The following XYLB variants were observed in gnomAD, a reference collection of about 807,000 sequenced individuals.
XYLB encodes the protein xylulose kinase.
XYLB carries 62 observed loss-of-function variants against 78.7 expected under a neutral mutation model. That is an observed-to-expected ratio of 0.79 (90% confidence interval 0.64 to 0.97). The LOEUF is 0.97. Among genes scored for constraint, XYLB ranks in the 50% least tolerant of loss-of-function variants. The pLI, the probability that XYLB is intolerant of heterozygous loss-of-function variation, is 0.00. For synonymous variants in XYLB, 245 were observed against 247.4 expected (o/e 0.99, Z 0.09); for missense variants, 687 against 676.8 (o/e 1.02, Z -0.17).
chr3:38,369,465 C>T (rs1485774891), intron 8 of XYLB, among the ~76,000 whole-genome samples: 1 of 152,220 alleles, frequency 6.6e-6, no homozygotes, highest in African/African-American at 2.4e-5. Context: ...CCTCATTTCA[C>T]CTGGGCAGGT....
At chr3:38,415,395 G>T (rs552582017), downstream of XYLB, among the ~76,000 whole-genome samples, 10 of 152,296 alleles carry the variant, frequency 6.6e-5, no homozygotes, top group South Asian at 2.1e-3. Context: ...AAAAGGACTG[G>T]ACATGACCAT....
chr3:38,378,575 A>G (rs1706985431), intron 14 of XYLB, among the ~76,000 whole-genome samples: 1 of 152,106 alleles, frequency 6.6e-6, no homozygotes, highest in African/African-American at 2.4e-5. Context: ...TGAGACCTGA[A>G]AGTACTCAGG....
intron 9 of XYLB, among the ~76,000 whole-genome samples, chr3:38,371,929 C>T (rs984433572): frequency 2.0e-5 from 3 of 152,158 alleles, no homozygotes; most frequent in African/African-American, 4.8e-5. Context: ...ACTGGTAATC[C>T]ACACACGGCT....
At chr3:38,388,169 G>GTTTTTTTTTTTTTTT (rs71085320) in intron 15 of XYLB, among the ~76,000 whole-genome samples, 1 of 109,322 alleles carries the variant, frequency 9.1e-6, no homozygotes, top group African/African-American at 3.2e-5. Flanking sequence ...GTTTTTTTTT[G>GTTTTTTTTTTTTTTT]TTTTTTTTTT....
At chr3:38,447,470 ATTTTTT>A in the XYLB span, among the ~76,000 whole-genome samples, 8 of 124,944 alleles carry the variant, frequency 6.4e-5, no homozygotes, top group East Asian at 1.4e-3. Context: ...CATCTGGCTA[ATTTTTT>A]TTTTTTTTTT....
At chr3:38,428,740 A>G in the XYLB span, among the ~76,000 whole-genome samples, 1 of 152,234 alleles carries the variant, frequency 6.6e-6, no homozygotes, top group Non-Finnish European at 1.5e-5. Flanking sequence ...TTTAGAGTCC[A>G]TTTACATAAT....
At chr3:38,404,576 G>A (rs184569043) in intron 18 of XYLB, among the ~76,000 whole-genome samples, 12 of 152,274 alleles carry the variant, frequency 7.9e-5, no homozygotes, top group Admixed American at 6.5e-4. Flanking sequence ...CAGCACTTTC[G>A]GAGGCCGAGG....
At chr3:38,353,420 C>G (rs1251781014) in intron 2 of XYLB, among the ~76,000 whole-genome samples, 1 of 152,112 alleles carries the variant, frequency 6.6e-6, no homozygotes, top group Non-Finnish European at 1.5e-5. Context: ...ATCCTCCCTC[C>G]TTAGCCTCCC....
chr3:38,362,802 C>T, intron 3 of XYLB, 135 bp from the exon 4 acceptor site: 1 of 600,730 alleles, frequency 1.7e-6, no homozygotes, highest in East Asian at 3.1e-5. Flanking sequence ...CTTACAAATC[C>T]CAAGTCATGA....
At chr3:38,366,912 G>T (rs1706295674) in intron 7 of XYLB, 39 bp downstream of exon 7, 3 of 1,397,764 alleles carry the variant, frequency 2.1e-6, no homozygotes, top group South Asian at 2.3e-5. Context: ...AGTCACAGTT[G>T]AATTCTTTTC....
At chr3:38,449,690 A>G in the XYLB span, among the ~76,000 whole-genome samples, 1 of 152,344 alleles carries the variant, frequency 6.6e-6, no homozygotes, top group African/African-American at 2.4e-5. Flanking sequence ...TTGTCTCTCC[A>G]ATAGTAGAAG....
At position 38,414,316 on chromosome 3, in the gene XYLB, G is replaced by C. The variant is rs993523483; in HGVS notation, c.*1303G>C. On this transcript the variant is annotated 3_prime_UTR_variant, in exon 19 of 19. Transcript: ENST00000207870. ...AGATGAAGCCATCTTGAAAGTGAGT[G>C]GTGTCCTTTGGAGGCATGGTGGATG... 2.0e-5 allele frequency: 3 copies of C among 151,982 alleles called. No individual in the cohort carries two copies. The highest frequency in any genetic ancestry group is 7.3e-5 in the African/African-American group (3 of 41,358). The allele number at this position is 151,982 out of a possible 1,614,324, so 9.4% of individuals were successfully genotyped here.
At chr3:38,384,118 G>A (rs1228362205) in intron 15 of XYLB, among the ~76,000 whole-genome samples, 1 of 152,116 alleles carries the variant, frequency 6.6e-6, no homozygotes, top group Non-Finnish European at 1.5e-5. Context: ...CCAGACTGGA[G>A]TGCAGTGGTG....
chr3:38,445,767 G>A, the XYLB span, among the ~76,000 whole-genome samples: 1 of 152,208 alleles, frequency 6.6e-6, no homozygotes, highest in African/African-American at 2.4e-5. Context: ...CAGAAAGCCT[G>A]ACACCCATGT....
At chr3:38,377,112 A>C in intron 14 of XYLB, 121 bp downstream of exon 14, 19 of 888,926 alleles carry the variant, frequency 2.1e-5, no homozygotes, top group Non-Finnish European at 3.4e-5. Flanking sequence ...CATTAATATC[A>C]TACACACTTG....
chr3:38,409,783 A>G (rs866896503), intron 18 of XYLB, among the ~76,000 whole-genome samples: 2 of 152,362 alleles, frequency 1.3e-5, no homozygotes, highest in Middle Eastern at 3.4e-3. Context: ...CCCATTCACA[A>G]TTGCTTCAAA....
chr3:38,392,168 G>C (rs867358754), intron 15 of XYLB, among the ~76,000 whole-genome samples: 9 of 152,182 alleles, frequency 5.9e-5, no homozygotes, highest in Admixed American at 2.0e-4. Flanking sequence ...AGCAGTTTAT[G>C]AGGGTTCTTA....
At chr3:38,409,759 A>G (rs1373121234) in intron 18 of XYLB, among the ~76,000 whole-genome samples, 2 of 152,246 alleles carry the variant, frequency 1.3e-5, no homozygotes, top group Non-Finnish European at 2.9e-5. Context: ...AGAGAGCCAA[A>G]TCATGAGTGA....
At chr3:38,386,445 T>A (rs1374768043) in intron 15 of XYLB, among the ~76,000 whole-genome samples, 1 of 152,244 alleles carries the variant, frequency 6.6e-6, no homozygotes, top group Non-Finnish European at 1.5e-5. Flanking sequence ...TAATTGAATC[T>A]ATCCATTTAT....
Sources: gnomAD v4.1 joint callset for allele counts (sites outside exome capture counted in the v4.1 genomes callset) on GRCh38, gnomAD v4.1.1 for gene constraint, MANE v1.5 for transcripts, NCBI Gene and HGNC (gene_info 2026-07-23, HGNC 2026-07-21) for gene names.